YY1: variants seen among roughly 807,000 people sequenced by gnomAD.
The protein encoded by YY1 is YY1 transcription factor.
A neutral mutation model predicts 35.6 loss-of-function variants in YY1; 2 were observed. The observed-to-expected ratio is 0.06, with a 90% confidence interval of 0.02 to 0.18. The LOEUF (loss-of-function observed/expected upper bound fraction) is 0.18, where lower values mean the gene tolerates loss of function less well. Among genes scored for constraint, YY1 ranks in the 10% least tolerant of loss-of-function variants. YY1 has a pLI of 1.00. For synonymous variants in YY1, 268 were observed against 238.9 expected (o/e 1.12, Z -1.12); for missense variants, 322 against 573.4 (o/e 0.56, Z 4.48).
At chr14:100,250,941 A>G (rs1298980191) in intron 1 of YY1, among the ~76,000 whole-genome samples, 1 of 152,168 alleles carries the variant, frequency 6.6e-6, no homozygotes, top group Non-Finnish European at 1.5e-5. Context: ...CAGGAGGTCA[A>G]GGCTGCAGTG....
At position 100,276,724 on chromosome 14, in the gene YY1, G is replaced by GAA; in HGVS notation, c.1062+76_1062+77insAA. 1 of 1,606,104 alleles carries GAA rather than the reference G, an allele frequency of 6.2e-7. No homozygotes were observed. Among genetic ancestry groups the GAA allele is most frequent in the Non-Finnish European group, 8.5e-7 (1 of 1,176,154 alleles). The stretch of plus-strand genomic sequence containing the variant: ...GCAAGTGTAGGTGGTGTGGTGATGA[G>GAA]GCAGGAGGCGCCAGCCCAGAGACTC... On this transcript the variant is annotated intron_variant, in intron 4 of 4. Coordinates refer to ENST00000262238, the MANE Select transcript of YY1 (RefSeq NM_003403.5). This position sits in a 1 kb window ranked among gnomAD's most constrained non-coding sequence, Gnocchi z 4.1.
chr14:100,247,261 GTT>G (rs1003403497), intron 1 of YY1, among the ~76,000 whole-genome samples: 3 of 152,072 alleles, frequency 2.0e-5, no homozygotes, highest in African/African-American at 7.2e-5. Context: ...TGCAATGAAT[GTT>G]ACTTAGTATT....
At position 100,279,177 on chromosome 14, in the gene YY1, TA is replaced by T. The variant is rs1407172471; in HGVS notation, c.*1580del. Reference sequence around the variant, plus strand: ...AAATAACAGACTTGAGAATACTTTATAAACTGCCATGATACAGCAAAATCTC... The same window carrying T: ...AAATAACAGACTTGAGAATACTTTATAACTGCCATGATACAGCAAAATCTC... On this transcript the variant is annotated 3_prime_UTR_variant, in exon 5 of 5. Transcript: ENST00000262238. 1 of 152,256 alleles carries T rather than the reference TA, an allele frequency of 6.6e-6. No individual in the cohort carries two copies. Among genetic ancestry groups the T allele is most frequent in the East Asian group, 1.9e-4 (1 of 5,200 alleles). 9.4% of individuals were successfully genotyped at this position (152,256 alleles called of 1,614,324 possible).
At chr14:100,273,388 A>AG (rs1447073463) in intron 2 of YY1, among the ~76,000 whole-genome samples, 1 of 152,228 alleles carries the variant, frequency 6.6e-6, no homozygotes, top group African/African-American at 2.4e-5. Flanking sequence ...TCTGGGCTCA[A>AG]GTGATCTTAC....
intron 1 of YY1, among the ~76,000 whole-genome samples, chr14:100,244,435 C>G (rs1890800361): frequency 1.4e-5 from 2 of 147,152 alleles, no homozygotes; most frequent in Non-Finnish European, 1.5e-5. Flanking sequence ...CACGTGCCAC[C>G]ATGCCTGGCT....
At chr14:100,268,762 T>C (rs773858652) in intron 2 of YY1, among the ~76,000 whole-genome samples, 6 of 152,326 alleles carry the variant, frequency 3.9e-5, no homozygotes, top group Middle Eastern at 6.8e-3. Context: ...ATGACAGCCG[T>C]ATTACGCAGG....
chr14:100,243,838 G>C (rs1185777320), intron 1 of YY1, among the ~76,000 whole-genome samples: 1 of 151,962 alleles, frequency 6.6e-6, no homozygotes, highest in Non-Finnish European at 1.5e-5. Flanking sequence ...GGGCGCGGTG[G>C]CTGACGCCTG....
At chr14:100,241,992 A>AGGGGGT (rs1566767455) in intron 1 of YY1, among the ~76,000 whole-genome samples, 5 of 95,986 alleles carry the variant, frequency 5.2e-5, no homozygotes, top group Non-Finnish European at 7.1e-5. Context: ...GGGGGGGGGC[A>AGGGGGT]TTTTTTTTTG....
intron 1 of YY1, among the ~76,000 whole-genome samples, chr14:100,257,541 G>T (rs1891021773): frequency 6.6e-6 from 1 of 151,696 alleles, no homozygotes; most frequent in Non-Finnish European, 1.5e-5. Flanking sequence ...AGGTCTGAGG[G>T]TAGAACCCTA....
chr14:100,275,002 G>A (rs913776343), intron 3 of YY1, among the ~76,000 whole-genome samples: 6 of 152,052 alleles, frequency 3.9e-5, no homozygotes, highest in African/African-American at 1.4e-4. Context: ...TACTGTTAGC[G>A]TTTCATTTCT....
intron 2 of YY1, among the ~76,000 whole-genome samples, chr14:100,267,543 T>A (rs77939292): frequency 3.7e-5 from 5 of 136,298 alleles, no homozygotes; most frequent in Non-Finnish European, 7.9e-5. Flanking sequence ...TTTTTTTTTT[T>A]AAATGGAGTC....
At chr14:100,260,436 T>C (rs904026963) in intron 1 of YY1, among the ~76,000 whole-genome samples, 2 of 139,224 alleles carry the variant, frequency 1.4e-5, no homozygotes, top group Non-Finnish European at 3.0e-5. Flanking sequence ...TATATATATA[T>C]ATATATATAT....
chr14:100,240,671 G>C (rs1233639428), intron 1 of YY1, among the ~76,000 whole-genome samples: 1 of 152,220 alleles, frequency 6.6e-6, no homozygotes, highest in African/African-American at 2.4e-5. Flanking sequence ...GGCTCCGAGC[G>C]TCAGTCGGAG....
intron 1 of YY1, among the ~76,000 whole-genome samples, chr14:100,242,359 CTGTTT>C (rs1890759898): frequency 7.0e-6 from 1 of 143,848 alleles, no homozygotes; most frequent in Admixed American, 7.0e-5. Flanking sequence ...GTGCAAGTGG[CTGTTT>C]TGTTTTGTTT....
intron 2 of YY1, among the ~76,000 whole-genome samples, chr14:100,265,656 T>G (rs974763174): frequency 6.7e-6 from 1 of 149,180 alleles, no homozygotes; most frequent in Non-Finnish European, 1.5e-5. Context: ...GCTTTTTTTT[T>G]TTTTTTTTTT....
rs1399282501 is a variant in YY1 at position 100,277,507 on chromosome 14, G to T, written c.1152G>T (p.Val384=). ...TCCATACCGGAGACAGGCCCTATGTGTGCCCCTTCGATGGTTGTAATAAGA... is the reference window on the plus strand; with the variant it reads ...TCCATACCGGAGACAGGCCCTATGTTTGCCCCTTCGATGGTTGTAATAAGA... ...VRIHTGDRPY[V]CPFDGCNKKF... The change falls in exon 5 of 5, where the codon GTG becomes GTT. Residue 384 remains valine (V), a synonymous_variant. Transcript: ENST00000262238. The surrounding 1 kb of genome is among the most constrained non-coding windows in gnomAD (Gnocchi z 5.6). 1.9e-6 allele frequency: 3 copies of T among 1,614,052 alleles called. No homozygotes were observed. The African/African-American group carries it at 4.0e-5, about 22-fold the overall frequency.
intron 2 of YY1, among the ~76,000 whole-genome samples, chr14:100,266,542 C>G (rs1259828765): frequency 2.0e-5 from 3 of 152,108 alleles, no homozygotes; most frequent in Non-Finnish European, 4.4e-5. Context: ...AGCAGAAAAT[C>G]CAGGGACACA....
At chr14:100,246,811 A>G (rs1890840128) in intron 1 of YY1, among the ~76,000 whole-genome samples, 2 of 152,238 alleles carry the variant, frequency 1.3e-5, no homozygotes, top group Non-Finnish European at 2.9e-5. Context: ...TGCTATAAAC[A>G]TGAATTTCCA....
intron 1 of YY1, among the ~76,000 whole-genome samples, chr14:100,256,888 T>C (rs1891013160): frequency 6.6e-6 from 1 of 151,862 alleles, no homozygotes; most frequent in African/African-American, 2.4e-5. Flanking sequence ...ACGAAAACCG[T>C]GGAAATATAG....
Sources: allele counts gnomAD v4.1 joint callset (sites outside exome capture counted in the v4.1 genomes callset), GRCh38; gene constraint gnomAD v4.1.1; non-coding constraint Gnocchi (gnomAD v3.1); transcripts MANE v1.5; gene names NCBI Gene and HGNC (gene_info 2026-07-23, HGNC 2026-07-21).